PRKD1: variants seen among roughly 807,000 people sequenced by gnomAD.
The protein encoded by PRKD1 is serine/threonine-protein kinase D1.
In PRKD1, 63 loss-of-function variants were observed where a neutral mutation model predicts 95.9. The observed-to-expected ratio is 0.66, with a 90% CI of 0.54 to 0.81. The LOEUF (loss-of-function observed/expected upper bound fraction) is 0.81. Among genes scored for constraint, PRKD1 ranks in the 30% least tolerant of loss-of-function variants. PRKD1 has a pLI of 0.00. For synonymous variants in PRKD1, 425 were observed against 423.1 expected, an observed-to-expected ratio of 1.00 and a Z score of -0.05; for missense variants, 1,048 against 1,165.3, an observed-to-expected ratio of 0.90 and a Z score of 1.47.
intron 13 of PRKD1, among the ~76,000 whole-genome samples, chr14:29,615,150 A>G (rs1326080237): frequency 1.3e-5 from 2 of 151,850 alleles, no homozygotes; most frequent in African/African-American, 2.4e-5. Flanking sequence ...AATGTTGCAA[A>G]ATGTACTGTT....
intron 1 of PRKD1, among the ~76,000 whole-genome samples, chr14:29,832,822 T>C (rs1891466324): frequency 6.6e-6 from 1 of 152,162 alleles, no homozygotes; most frequent in Non-Finnish European, 1.5e-5. Context: ...AATAACATTA[T>C]CCATCTTAAC....
chr14:29,867,997 G>T (rs1892970230), intron 1 of PRKD1, among the ~76,000 whole-genome samples: 1 of 152,164 alleles, frequency 6.6e-6, no homozygotes, highest in Non-Finnish European at 1.5e-5. Context: ...TTAAAAGTCA[G>T]CATTTATAGG....
chr14:29,899,416 G>A (rs1894243468), intron 1 of PRKD1, among the ~76,000 whole-genome samples: 2 of 152,114 alleles, frequency 1.3e-5, no homozygotes, highest in Admixed American at 1.3e-4. Flanking sequence ...AGAGGCCGAG[G>A]TGCACAGATC....
intron 16 of PRKD1, among the ~76,000 whole-genome samples, chr14:29,595,227 G>A (rs1340696082): frequency 6.6e-6 from 1 of 152,062 alleles, no homozygotes; most frequent in Non-Finnish European, 1.5e-5. Flanking sequence ...AATGCCTTTT[G>A]AATTATCCTG....
In PRKD1 at chr14:29,599,106, T is replaced by A; in HGVS notation, c.2087A>T (p.His696Leu). The stretch of plus-strand genomic sequence containing the variant: ...GTGAACGATATTTTTAAAATGAAGG[T>A]GCCGCAAAGCCACGAGTATCTGTAA... ...LITQILVALR[H>L]LHFKNIVHCD... The change falls in exon 15 of 18, where the codon CAC becomes CTC. Residue 696 changes from histidine (H) to leucine (L), a missense_variant. By Grantham distance (99) the His-to-Leu change is moderately conservative (BLOSUM62 -3). Around this residue, in one of 3 missense-constraint regions of PRKD1, gnomAD observed 739 missense variants for 861.9 expected, o/e 0.86. Coordinates refer to ENST00000331968, the MANE Select transcript of PRKD1 (RefSeq NM_002742.3). 1 of 1,613,596 alleles carries A rather than the reference T, an allele frequency of 6.2e-7. No individual in the cohort carries two copies. The highest frequency in any genetic ancestry group is 8.5e-7 in the Non-Finnish European group (1 of 1,179,634).
At chr14:29,702,088 G>A (rs1488059661) in intron 2 of PRKD1, among the ~76,000 whole-genome samples, 2 of 152,024 alleles carry the variant, frequency 1.3e-5, no homozygotes, top group East Asian at 1.9e-4. Context: ...ATATGGAATC[G>A]TCTCCTTTGC....
Position 29,667,210 on chromosome 14 carries a change from T to C in PRKD1, c.404-1002A>G, listed in dbSNP as rs577704707. 2.3e-3 allele frequency among the ~76,000 whole-genome samples: 346 copies of C among 152,206 alleles called. 2 individuals are homozygous for C. The highest frequency in any genetic ancestry group is 3.6e-3 in the Non-Finnish European group (248 of 68,012). On this transcript the variant is annotated intron_variant, in intron 2 of 17. Transcript: ENST00000331968. ...GAAGACCTGGGGGAAGCCTGACCTT[T>C]ACCGGAGTGACATCTCAATAAGCAC...
intron 1 of PRKD1, among the ~76,000 whole-genome samples, chr14:29,894,990 A>T (rs1894070805): frequency 6.6e-6 from 1 of 152,208 alleles, no homozygotes; most frequent in Non-Finnish European, 1.5e-5. Flanking sequence ...CCCAAAGAAA[A>T]ACTGGTAACT....
chr14:29,653,085 C>T (rs1433524789), intron 4 of PRKD1, among the ~76,000 whole-genome samples: 1 of 152,096 alleles, frequency 6.6e-6, no homozygotes, highest in African/African-American at 2.4e-5. Context: ...CATTTTAGTA[C>T]AATCCGTGTC....
intron 1 of PRKD1, among the ~76,000 whole-genome samples, chr14:29,902,935 A>G (rs1249634732): frequency 6.6e-6 from 1 of 152,246 alleles, no homozygotes; most frequent in Non-Finnish European, 1.5e-5. Flanking sequence ...AAAGGGAAAA[A>G]GAAATATAAG....
At chr14:29,805,864 C>A (rs1890210531) in intron 1 of PRKD1, among the ~76,000 whole-genome samples, 1 of 151,984 alleles carries the variant, frequency 6.6e-6, no homozygotes, top group South Asian at 2.1e-4. Context: ...TGTAAGTTGC[C>A]AATGAAGGGG....
intron 13 of PRKD1, among the ~76,000 whole-genome samples, chr14:29,612,933 C>T (rs12432651): frequency 0.46 from 69,629 of 151,888 alleles, 18,861 homozygotes; most frequent in East Asian, 0.68. Flanking sequence ...CCCGTCTCTA[C>T]TAAAAATACA....
intron 1 of PRKD1, among the ~76,000 whole-genome samples, chr14:29,860,629 A>G (rs1198301041): frequency 6.6e-6 from 1 of 152,204 alleles, no homozygotes; most frequent in Non-Finnish European, 1.5e-5. Context: ...TTAAATTTAA[A>G]TTACTGATAT....
At chr14:29,623,229 CTA>C (rs1436058445) in intron 13 of PRKD1, among the ~76,000 whole-genome samples, 1 of 152,158 alleles carries the variant, frequency 6.6e-6, no homozygotes, top group Non-Finnish European at 1.5e-5. Flanking sequence ...CCAGAAAAGT[CTA>C]TGTTATTTTT....
chr14:29,693,635 A>AAAC (rs747835166), intron 2 of PRKD1, among the ~76,000 whole-genome samples: 14 of 118,430 alleles, frequency 1.2e-4, no homozygotes, highest in African/African-American at 3.5e-4. Context: ...GTCAAAAAAA[A>AAAC]AAAAAACAAC....
chr14:29,793,687 T>G (rs1000998388), intron 1 of PRKD1, among the ~76,000 whole-genome samples: 3 of 152,040 alleles, frequency 2.0e-5, no homozygotes, highest in Non-Finnish European at 4.4e-5. Flanking sequence ...ATGAAGCTAG[T>G]CTCCAAAACT....
rs111703116 is a variant in PRKD1, at chr14:29,763,945, T to C, written c.265-38271A>G. On this transcript the variant is annotated intron_variant, in intron 1 of 17. Coordinates refer to ENST00000331968, the MANE Select transcript of PRKD1 (RefSeq NM_002742.3). ...AAATTACCCTTCCCTTCCTCTGATT[T>C]ATTGATTATAATTTGCTCTAAATTT... 7.3e-3 allele frequency among the ~76,000 whole-genome samples: 1,111 copies of C among 152,306 alleles called. 17 individuals are homozygous for C. The highest frequency in any genetic ancestry group is 0.025 in the African/African-American group (1,032 of 41,550).
intron 1 of PRKD1, among the ~76,000 whole-genome samples, chr14:29,881,206 A>T (rs1025605192): frequency 6.6e-6 from 1 of 152,202 alleles, no homozygotes; most frequent in African/African-American, 2.4e-5. Flanking sequence ...GAAGGGACCC[A>T]GGGAGAGGTA....
intron 13 of PRKD1, among the ~76,000 whole-genome samples, chr14:29,602,313 C>G (rs760075592): frequency 1.3e-5 from 2 of 151,988 alleles, no homozygotes; most frequent in Non-Finnish European, 2.9e-5. Flanking sequence ...GCTGCTTCTG[C>G]TGATCTTAGA....
Sources: gnomAD v4.1 joint callset for allele counts (sites outside exome capture counted in the v4.1 genomes callset) on GRCh38, gnomAD v4.1.1 for gene constraint, gnomAD v4.1.1 regional missense constraint, MANE v1.5 for transcripts, NCBI Gene and HGNC (gene_info 2026-07-23, HGNC 2026-07-21) for gene names.